The following ETFBKMT variants were observed in gnomAD, a reference collection of about 807,000 sequenced individuals.
ETFBKMT encodes the protein electron transfer flavoprotein beta subunit lysine methyltransferase.
ETFBKMT carries 13 observed loss-of-function variants against 18.3 expected under a neutral mutation model. The ratio of observed to expected loss-of-function variants is 0.71; its 90% CI spans 0.46 to 1.13. ETFBKMT has a LOEUF of 1.13. Among genes scored for constraint, ETFBKMT ranks in the 50% most tolerant of loss-of-function variants. The pLI is 0.00. For synonymous variants in ETFBKMT, 84 were observed against 107.9 expected, an observed-to-expected ratio of 0.78 and a Z score of 1.37; for missense variants, 293 against 306.2, an observed-to-expected ratio of 0.96 and a Z score of 0.32.
upstream of ETFBKMT, among the ~76,000 whole-genome samples, chr12:31,656,724 T>A (rs1951065272): frequency 6.6e-6 from 1 of 152,234 alleles, no homozygotes; most frequent in Non-Finnish European, 1.5e-5. Context: ...TAGTTCTGTC[T>A]CCATTATTGT....
chr12:31,649,990 C>A, intron 1 of ETFBKMT, among the ~76,000 whole-genome samples: 1 of 56,154 alleles, frequency 1.8e-5, no homozygotes, highest in African/African-American at 6.2e-5. Flanking sequence ...CTCCTGGCCT[C>A]AAGTGATCCA....
rs1484665568 is a variant in ETFBKMT at position 31,666,052 on chromosome 12, ATC to A, written c.315-29_315-28del. ...CTGTTCCCAACATTTATTTTTCCTC[ATC>A]TCTCTGAGACATGTTTCTCCTTTTT... On this transcript the variant is annotated intron_variant, in intron 2 of 3. Transcript: ENST00000357721. 8.9e-6 allele frequency: 14 copies of A among 1,578,860 alleles called. No individual in the cohort carries two copies. The East Asian group carries it at 3.2e-4, about 36-fold the overall frequency.
intron 1 of ETFBKMT, among the ~76,000 whole-genome samples, chr12:31,653,186 G>T (rs1227001215): frequency 6.9e-6 from 1 of 144,636 alleles, no homozygotes; most frequent in Non-Finnish European, 1.5e-5. Flanking sequence ...TCCAGCCTGG[G>T]CTATGCAGCG....
rs1247258568 is a variant in ETFBKMT at position 31,661,889 on chromosome 12, T to C, written c.-65T>C. On this transcript the variant is annotated 5_prime_UTR_variant, in exon 2 of 4. Coordinates refer to ENST00000357721, the MANE Select transcript of ETFBKMT (RefSeq NM_001135863.2). ...AAGTTGGGAGACACACCCTTGTTCATTCTCCTTGAGAAGCAGCTATTATCA... is the reference window on the plus strand; with the variant it reads ...AAGTTGGGAGACACACCCTTGTTCACTCTCCTTGAGAAGCAGCTATTATCA... The C allele has an allele frequency of 4.7e-6, 7 of 1,475,828 alleles. No homozygotes were observed. Among genetic ancestry groups the C allele is most frequent in the Non-Finnish European group, 6.5e-6 (7 of 1,074,938 alleles). The allele number at this position is 1,475,828 out of a possible 1,614,324, so 91.4% of individuals were successfully genotyped here.
intron 2 of ETFBKMT, among the ~76,000 whole-genome samples, chr12:31,662,505 CTTTTTTTTTTTTT>C (rs35366747): frequency 1.6e-5 from 2 of 128,844 alleles, no homozygotes; most frequent in African/African-American, 5.7e-5. Flanking sequence ...TTCTTTCTTT[CTTTTTTTTTTTTT>C]TTTTTGGTAG....
rs1193762159 is a variant in ETFBKMT at position 31,672,254 on chromosome 12, G to C, written c.*4264G>C. 1 of 1,275,042 alleles carries C rather than the reference G, an allele frequency of 7.8e-7. No individual in the cohort carries two copies. The highest frequency in any genetic ancestry group is 2.5e-5 in the East Asian group (1 of 39,810). The allele number at this position is 1,275,042 out of a possible 1,614,324, so 79.0% of individuals were successfully genotyped here. On this transcript the variant is annotated 3_prime_UTR_variant, in exon 4 of 4. Transcript: ENST00000357721. ...CAAATCTCTATAGATGGTTTCCTGG[G>C]AAAGTAGTTTTGATAAGCTTTCCTA...
chr12:31,666,852 T>C (rs1214647883), intron 3 of ETFBKMT, among the ~76,000 whole-genome samples: 1 of 150,840 alleles, frequency 6.6e-6, no homozygotes, highest in Non-Finnish European at 1.5e-5. Flanking sequence ...AGAGATGGGG[T>C]TTCACCGTGT....
At chr12:31,660,209 T>C (rs899609778) in intron 1 of ETFBKMT, 4 of 131,522 alleles carry the variant, frequency 3.0e-5, no homozygotes, top group Non-Finnish European at 6.5e-5. Context: ...AATGTGTCAA[T>C]ATCTAGATTT....
chr12:31,658,694 A>G (rs1223966203), upstream of ETFBKMT, among the ~76,000 whole-genome samples: 2 of 152,200 alleles, frequency 1.3e-5, no homozygotes, highest in Non-Finnish European at 2.9e-5. Flanking sequence ...CTAGCACGCC[A>G]GAGCAGGTTT....
chr12:31,648,382 G>A (rs1950985209), intron 1 of ETFBKMT, among the ~76,000 whole-genome samples: 2 of 121,688 alleles, frequency 1.6e-5, no homozygotes, highest in East Asian at 2.4e-4. Flanking sequence ...TTTTTTTTGA[G>A]ATGGAGTCTC....
At position 31,672,019 on chromosome 12, in the gene ETFBKMT, A is replaced by T. The variant is rs1592141725; in HGVS notation, c.*4029A>T. 2.3e-5 allele frequency: 6 copies of T among 261,944 alleles called. No individual in the cohort carries two copies. In the East Asian group the frequency reaches 4.3e-4, roughly 19 times the overall value. 16.2% of individuals were successfully genotyped at this position (261,944 alleles called of 1,614,324 possible). A position where few individuals can be genotyped will look rare whatever the true frequency, so the allele number is the denominator to read the frequency against. On this transcript the variant is annotated 3_prime_UTR_variant, in exon 4 of 4. Transcript: ENST00000357721. Reference sequence around the variant, plus strand: ...ACAGTTAATTTTAAAGTTATTTAAGAAACAGAATCCAACACCATAGATCAG... The same window carrying T: ...ACAGTTAATTTTAAAGTTATTTAAGTAACAGAATCCAACACCATAGATCAG...
intron 1 of ETFBKMT, among the ~76,000 whole-genome samples, chr12:31,649,044 A>G (rs527646888): frequency 8.6e-5 from 13 of 150,854 alleles, no homozygotes; most frequent in African/African-American, 2.7e-4. Flanking sequence ...GTGGCGTGCA[A>G]TTGGCTCATG....
intron 1 of ETFBKMT, among the ~76,000 whole-genome samples, chr12:31,648,014 A>C (rs1478751077): frequency 6.6e-6 from 1 of 152,248 alleles, no homozygotes; most frequent in Non-Finnish European, 1.5e-5. Context: ...TTCCATTCCT[A>C]GGTATATACC....
intron 1 of ETFBKMT, chr12:31,660,932 TCA>T (rs1951114095): frequency 6.6e-6 from 1 of 152,246 alleles, no homozygotes; most frequent in Non-Finnish European, 1.5e-5. Context: ...GTTATTTTGT[TCA>T]CAGTTACCAA....
chr12:31,672,312 C>A lies in ETFBKMT; in HGVS notation c.*4322C>A. On this transcript the variant is annotated 3_prime_UTR_variant, in exon 4 of 4. Coordinates refer to ENST00000357721, the MANE Select transcript of ETFBKMT (RefSeq NM_001135863.2). ...TCATCTTCAAAAAAGCATCAATAAA[C>A]AGTCCATGTCACTTGCTTTAGTTTG... The A allele has an allele frequency of 6.4e-7, 1 of 1,573,252 alleles. No individual in the cohort carries two copies. Among genetic ancestry groups the A allele is most frequent in the Non-Finnish European group, 8.6e-7 (1 of 1,156,980 alleles).
In ETFBKMT at chr12:31,668,018, A is replaced by G. The variant is rs1951221177; in HGVS notation, c.*28A>G. 2 of 1,574,848 alleles carry G rather than the reference A, an allele frequency of 1.3e-6. No homozygotes were observed. Among genetic ancestry groups the G allele is most frequent in the Admixed American group, 3.5e-5 (2 of 57,106 alleles). ...TGTCAAAGTGCTTCCAAGTATGAATATAGTAATGTTTGGATCTGACTCTAA... is the reference window on the plus strand; with the variant it reads ...TGTCAAAGTGCTTCCAAGTATGAATGTAGTAATGTTTGGATCTGACTCTAA... On this transcript the variant is annotated 3_prime_UTR_variant, in exon 4 of 4. Coordinates refer to ENST00000357721, the MANE Select transcript of ETFBKMT (RefSeq NM_001135863.2).
Position 31,648,752 on chromosome 12 carries a change from A to G in ETFBKMT, c.-114+1497A>G, listed in dbSNP as rs371999036. Reference sequence around the variant, plus strand: ...AAGTTTTTGTATTTTTAGTAGAGACAGGGTTTCACCATGTTAGCCAGGATG... The same window carrying G: ...AAGTTTTTGTATTTTTAGTAGAGACGGGGTTTCACCATGTTAGCCAGGATG... On this transcript the variant is annotated intron_variant, in intron 1 of 3. Transcript: ENST00000412352. Among the ~76,000 whole-genome samples the G allele has an allele frequency of 3.5e-3, 531 of 151,474 alleles. 3 individuals carry two copies. The highest frequency in any genetic ancestry group is 0.01 in the Middle Eastern group (3 of 288).
intron 1 of ETFBKMT, among the ~76,000 whole-genome samples, chr12:31,651,305 C>T (rs1251599870): frequency 1.3e-5 from 1 of 76,516 alleles, no homozygotes; most frequent in Non-Finnish European, 3.6e-5. Context: ...AAGATGCCTT[C>T]CCTTTTTTTT....
chr12:31,648,986 A>AT (rs35506567), intron 1 of ETFBKMT, among the ~76,000 whole-genome samples: 81,662 of 151,178 alleles, frequency 0.54, 23,493 homozygotes, highest in East Asian at 0.73. Flanking sequence ...CAATAGTTGT[A>AT]TTTTTTTTGG....
Sources: gnomAD v4.1 joint callset for allele counts (sites outside exome capture counted in the v4.1 genomes callset) on GRCh38, gnomAD v4.1.1 for gene constraint, MANE v1.5 for transcripts, NCBI Gene and HGNC (gene_info 2026-07-23, HGNC 2026-07-21) for gene names.